AKAP6: variants seen among roughly 807,000 people sequenced by gnomAD.
AKAP6 encodes A-kinase anchor protein 6.
Under a neutral mutation model 188.5 loss-of-function variants are expected in AKAP6, and 58 were observed. The observed-to-expected ratio is 0.31, with a 90% confidence interval of 0.25 to 0.38. The LOEUF (loss-of-function observed/expected upper bound fraction) is 0.38, where lower values mean the gene tolerates loss of function less well. Among genes scored for constraint, AKAP6 ranks in the 10% least tolerant of loss-of-function variants. The pLI, the probability that AKAP6 is intolerant of heterozygous loss-of-function variation, is 1.00. For synonymous variants in AKAP6, 989 were observed against 998.6 expected (o/e 0.99, Z 0.18); for missense variants, 2,710 against 2,740.0 (o/e 0.99, Z 0.24).
chr14:32,543,736 G>A (rs1258366923), intron 3 of AKAP6, among the ~76,000 whole-genome samples: 2 of 152,146 alleles, frequency 1.3e-5, no homozygotes, highest in African/African-American at 4.8e-5. Context: ...GGGCATGCCA[G>A]TTTAAAGTAA....
intron 1 of AKAP6, among the ~76,000 whole-genome samples, chr14:32,382,739 G>A (rs114854760): frequency 0.024 from 3,599 of 152,274 alleles, 146 homozygotes; most frequent in African/African-American, 0.082. Context: ...TAGATGGGGA[G>A]TGTGGAAGTG....
At chr14:32,790,050 C>T (rs2033561151) in intron 12 of AKAP6, among the ~76,000 whole-genome samples, 1 of 152,180 alleles carries the variant, frequency 6.6e-6, no homozygotes, top group Admixed American at 6.5e-5. Flanking sequence ...AGCTGAAAAA[C>T]ACAACATGAT....
intron 7 of AKAP6, among the ~76,000 whole-genome samples, chr14:32,633,290 C>T (rs1887350995): frequency 6.6e-6 from 1 of 152,016 alleles, no homozygotes; most frequent in African/African-American, 2.4e-5. Context: ...GCCCTCTATC[C>T]AGGCAAAACA....
At chr14:32,652,077 C>T (rs1291148628) in intron 7 of AKAP6, among the ~76,000 whole-genome samples, 1 of 152,090 alleles carries the variant, frequency 6.6e-6, no homozygotes, top group Non-Finnish European at 1.5e-5. Context: ...TTAGTGTCCA[C>T]CCACTTTGCA....
At chr14:32,602,975 AGT>A (rs1305775227) in intron 7 of AKAP6, among the ~76,000 whole-genome samples, 1 of 152,174 alleles carries the variant, frequency 6.6e-6, no homozygotes, top group Non-Finnish European at 1.5e-5. Flanking sequence ...CTTGTGGTGA[AGT>A]GTGAGCAACA....
rs970568193 is a variant in AKAP6, at chr14:32,831,965, A to T, written c.*2160A>T. 1 of 152,118 alleles carries T rather than the reference A, an allele frequency of 6.6e-6. No individual in the cohort carries two copies. Among genetic ancestry groups the T allele is most frequent in the African/African-American group, 2.4e-5 (1 of 41,430 alleles). The allele number at this position is 152,118 out of a possible 1,614,324, so 9.4% of individuals were successfully genotyped here. On this transcript the variant is annotated 3_prime_UTR_variant, in exon 14 of 14. Coordinates refer to ENST00000280979, the MANE Select transcript of AKAP6 (RefSeq NM_004274.5). ...GTGCCACGCCAAGATCATTTAGACGATGCTTATCTGTAATTCTACCACTTT... is the reference window on the plus strand; with the variant it reads ...GTGCCACGCCAAGATCATTTAGACGTTGCTTATCTGTAATTCTACCACTTT...
chr14:32,688,542 A>G (rs1890029251), intron 8 of AKAP6, among the ~76,000 whole-genome samples: 1 of 152,166 alleles, frequency 6.6e-6, no homozygotes, highest in Admixed American at 6.6e-5. Context: ...ATAAAATGAA[A>G]TTTTATCTAT....
Position 32,361,053 on chromosome 14 carries a change from C to CATATATATATATATATATAT in AKAP6, c.-35+31648_-35+31649insTATATATATATATATATATA, listed in dbSNP as rs201231103. Among the ~76,000 whole-genome samples, 101 of 111,934 alleles carry CATATATATATATATATATAT rather than the reference C, an allele frequency of 9.0e-4. 6 individuals carry two copies. The highest frequency in any genetic ancestry group is 3.6e-3 in the East Asian group (10 of 2,810). The allele number at this position is 111,934 out of a possible 152,430, so 73.4% of individuals were successfully genotyped here. A position where few individuals can be genotyped will look rare whatever the true frequency, so the allele number is the denominator to read the frequency against. On this transcript the variant is annotated intron_variant, in intron 1 of 13. Transcript: ENST00000280979. ...TGTGAGCCACTGCACAAGGCCTGAA[C>CATATATATATATATATATAT]ATACATATATATATATATTTGAGAA...
chr14:32,704,621 A>T (rs145642900), intron 9 of AKAP6, among the ~76,000 whole-genome samples: 5 of 152,142 alleles, frequency 3.3e-5, no homozygotes, highest in Non-Finnish European at 7.4e-5. Context: ...GCTGGCAAAA[A>T]ATTATATGAT....
At chr14:32,688,603 G>A (rs996549471) in intron 8 of AKAP6, among the ~76,000 whole-genome samples, 1 of 152,008 alleles carries the variant, frequency 6.6e-6, no homozygotes, top group African/African-American at 2.4e-5. Flanking sequence ...ATCAGATGAC[G>A]CACAACTTCT....
intron 1 of AKAP6, among the ~76,000 whole-genome samples, chr14:32,356,939 A>T (rs1887504306): frequency 6.6e-6 from 1 of 151,992 alleles, no homozygotes; most frequent in African/African-American, 2.4e-5. Context: ...CTTCATTCCC[A>T]TGCTTGCACC....
intron 11 of AKAP6, among the ~76,000 whole-genome samples, chr14:32,771,341 GA>G (rs57706321): frequency 1.7e-3 from 238 of 141,086 alleles, no homozygotes; most frequent in Middle Eastern, 3.7e-3. Flanking sequence ...TCATTTAAAG[GA>G]AAAAAAAAAA....
In AKAP6 at chr14:32,492,355, T is replaced by TATATATATATATATATAGAGAGAGAG; in HGVS notation, c.325-43198_325-43197insTATATATATATATATAGAGAGAGAGA. On this transcript the variant is annotated intron_variant, in intron 2 of 13. Coordinates refer to ENST00000280979, the MANE Select transcript of AKAP6 (RefSeq NM_004274.5). ...ACATTGTAATATATATATATATATA[T>TATATATATATATATATAGAGAGAGAG]AGAGAGAGAGAGAGAGAGAGAGAGA... Among the ~76,000 whole-genome samples the TATATATATATATATATAGAGAGAGAG allele has an allele frequency of 8.6e-4, 71 of 82,598 alleles. 1 individual carries two copies. Among genetic ancestry groups the TATATATATATATATATAGAGAGAGAG allele is most frequent in the Middle Eastern group, 0.015 (2 of 132 alleles). 54.2% of individuals were successfully genotyped at this position (82,598 alleles called of 152,430 possible).
At chr14:32,372,896 CTTTCTT>C (rs1888055219) in intron 1 of AKAP6, among the ~76,000 whole-genome samples, 1 of 151,646 alleles carries the variant, frequency 6.6e-6, no homozygotes, top group African/African-American at 2.4e-5. Context: ...GTTTTGGAAA[CTTTCTT>C]TTGAGAATAC....
At chr14:32,695,395 G>A (rs536017774) in intron 8 of AKAP6, among the ~76,000 whole-genome samples, 37 of 152,192 alleles carry the variant, frequency 2.4e-4, no homozygotes, top group Non-Finnish European at 4.6e-4. Context: ...ACAGCAGAGG[G>A]ACAGATAAAT....
intron 12 of AKAP6, among the ~76,000 whole-genome samples, chr14:32,812,148 ATAT>A (rs2034252910): frequency 6.6e-6 from 1 of 152,192 alleles, no homozygotes; most frequent in Non-Finnish European, 1.5e-5. Context: ...ATGGGGCCAG[ATAT>A]TATCATTGGG....
At chr14:32,475,157 A>G (rs1023546948) in intron 2 of AKAP6, among the ~76,000 whole-genome samples, 4 of 152,154 alleles carry the variant, frequency 2.6e-5, no homozygotes, top group Admixed American at 1.3e-4. Flanking sequence ...AGCGCTTACT[A>G]TATGTCAGAT....
intron 1 of AKAP6, among the ~76,000 whole-genome samples, chr14:32,420,607 A>T (rs1889809344): frequency 6.6e-6 from 1 of 151,938 alleles, no homozygotes; most frequent in South Asian, 2.1e-4. Flanking sequence ...CTCCAGTTCA[A>T]CCCCCAATTC....
intron 2 of AKAP6, among the ~76,000 whole-genome samples, chr14:32,507,287 T>C (rs1244872857): frequency 1.3e-5 from 2 of 152,196 alleles, no homozygotes; most frequent in Non-Finnish European, 2.9e-5. Flanking sequence ...CAAGGCACAG[T>C]AGTAATCACT....
Sources: allele counts gnomAD v4.1 joint callset (sites outside exome capture counted in the v4.1 genomes callset), GRCh38; gene constraint gnomAD v4.1.1; transcripts MANE v1.5; gene names NCBI Gene and HGNC (gene_info 2026-07-23, HGNC 2026-07-21).